Variants in PVT1 observed in about 807,000 individuals in gnomAD.
PVT1 encodes the protein Pvt1 oncogene.
chr8:127,927,699 C>A (rs1295898585), intron 3 of PVT1, among the ~76,000 whole-genome samples: 1 of 152,168 alleles, frequency 6.6e-6, no homozygotes, highest in Non-Finnish European at 1.5e-5. Flanking sequence ...AGCTGGGTGA[C>A]TTTAGGCAAC....
In PVT1 at chr8:127,937,578, C is replaced by CAGAGAGAG. The variant is rs1296575228; in HGVS notation, n.782+46581_782+46582insGAGAGAGA. Among the ~76,000 whole-genome samples the CAGAGAGAG allele has an allele frequency of 3.5e-3, 418 of 119,292 alleles. 1 individual carries two copies. The highest frequency in any genetic ancestry group is 4.6e-3 in the Non-Finnish European group (260 of 56,396). 78.3% of individuals were successfully genotyped at this position (119,292 alleles called of 152,430 possible). A position where few individuals can be genotyped will look rare whatever the true frequency, so the allele number is the denominator to read the frequency against. ...ACACACACACACACACACACACACA[C>CAGAGAGAG]ACAGAGAGAGAGAGAGAGAGAGAGA... On this transcript the variant is annotated intron_variant and non_coding_transcript_variant, in intron 3 of 10. Coordinates refer to ENST00000651587, the Ensembl canonical transcript of PVT1.
At chr8:128,096,515 CAGA>C (rs1814431316) in intron 5 of PVT1, 1 of 151,866 alleles carries the variant, frequency 6.6e-6, no homozygotes, top group African/African-American at 2.4e-5. Flanking sequence ...TCTTTCTCTC[CAGA>C]AGGACAGAAT....
At chr8:127,959,588 A>G (rs1002859460) in intron 3 of PVT1, among the ~76,000 whole-genome samples, 28 of 83,472 alleles carry the variant, frequency 3.4e-4, no homozygotes, top group Non-Finnish European at 8.1e-4. Flanking sequence ...TGTCTCAGGA[A>G]AAAAAAAAAA....
intron 5 of PVT1, among the ~76,000 whole-genome samples, chr8:128,082,422 T>C (rs1814193535): frequency 6.6e-6 from 1 of 152,226 alleles, no homozygotes. Flanking sequence ...TTGTCAGTCA[T>C]GTGATCTTAA....
chr8:127,892,259 T>C (rs1371848271), intron 3 of PVT1, among the ~76,000 whole-genome samples: 3 of 152,216 alleles, frequency 2.0e-5, no homozygotes, highest in Non-Finnish European at 4.4e-5. Context: ...AATTGTATAT[T>C]CATATGTGCA....
intron 3 of PVT1, among the ~76,000 whole-genome samples, chr8:127,923,606 C>T (rs1463285648): frequency 6.6e-6 from 1 of 152,170 alleles, no homozygotes; most frequent in Non-Finnish European, 1.5e-5. Context: ...GATGTCTCCC[C>T]AACAGCATCA....
At chr8:127,890,947 T>C (rs1356392048) in exon 3 of PVT1, 1 of 152,362 alleles carries the variant, frequency 6.6e-6, no homozygotes, top group Non-Finnish European at 1.5e-5. Flanking sequence ...CCCCGACTCT[T>C]CCTGGTGAAG....
Position 127,851,985 on chromosome 8 carries a change from G to A in PVT1, n.373-38604G>A, listed in dbSNP as rs539077472. ...TGAGGACTCATCTCTAGATCTCCAA[G>A]GGCTGCAGCTCAGCCAGCACTTTAC... On this transcript the variant is annotated intron_variant and non_coding_transcript_variant, in intron 2 of 10. Transcript: ENST00000651587. 1.1e-4 allele frequency: 17 copies of A among 152,372 alleles called. No individual in the cohort carries two copies. The East Asian group carries it at 3.3e-3, about 29-fold the overall frequency. The allele number at this position is 152,372 out of a possible 1,614,324, so 9.4% of individuals were successfully genotyped here.
intron 2 of PVT1, among the ~76,000 whole-genome samples, chr8:127,881,440 A>ATTG (rs1481178515): frequency 1.4e-5 from 2 of 140,318 alleles, no homozygotes; most frequent in African/African-American, 5.5e-5. Flanking sequence ...TTATTATATT[A>ATTG]TTATTATTAT....
chr8:128,003,321 C>A (rs1333557413), intron 4 of PVT1, among the ~76,000 whole-genome samples: 2 of 146,360 alleles, frequency 1.4e-5, no homozygotes, highest in Non-Finnish European at 3.0e-5. Context: ...CCCCTTCTGT[C>A]TCCTCTGCTC....
intron 4 of PVT1, among the ~76,000 whole-genome samples, chr8:128,061,967 A>G (rs942152857): frequency 6.6e-6 from 1 of 152,272 alleles, no homozygotes; most frequent in African/African-American, 2.4e-5. Flanking sequence ...TTATCACATG[A>G]CCTGACTGGC....
chr8:127,879,812 C>T (rs778871556), intron 2 of PVT1, among the ~76,000 whole-genome samples: 5 of 152,222 alleles, frequency 3.3e-5, no homozygotes, highest in South Asian at 4.1e-4. Flanking sequence ...ACGGACAATG[C>T]GCCAGCACCC....
At chr8:127,936,925 C>T (rs986719552) in intron 3 of PVT1, among the ~76,000 whole-genome samples, 10 of 152,222 alleles carry the variant, frequency 6.6e-5, no homozygotes, top group South Asian at 2.1e-4. Flanking sequence ...TGGGAGGGAC[C>T]GGCTGAAGCA....
At chr8:128,028,180 C>T (rs1475932026) in intron 4 of PVT1, among the ~76,000 whole-genome samples, 1 of 152,272 alleles carries the variant, frequency 6.6e-6, no homozygotes, top group Non-Finnish European at 1.5e-5. Context: ...TGACAGGCAG[C>T]CAACCAAGCT....
intron 2 of PVT1, among the ~76,000 whole-genome samples, chr8:127,839,474 T>C (rs1467020100): frequency 6.7e-6 from 1 of 148,764 alleles, no homozygotes; most frequent in Non-Finnish European, 1.5e-5. Flanking sequence ...GGCTTGAGCC[T>C]GGGAGGTCAA....
At chr8:127,811,084 A>G (rs965003134) in intron 2 of PVT1, among the ~76,000 whole-genome samples, 2 of 152,118 alleles carry the variant, frequency 1.3e-5, no homozygotes, top group Admixed American at 1.3e-4. Context: ...TTGGCAAACC[A>G]GCGGGTCCCT....
chr8:128,049,032 G>GAT, intron 4 of PVT1: 1 of 425,794 alleles, frequency 2.3e-6, no homozygotes, highest in South Asian at 1.8e-5. Context: ...GTTTAAGCTT[G>GAT]ATAGAGATTT....
chr8:127,848,063 G>T (rs1030342762), intron 2 of PVT1, among the ~76,000 whole-genome samples: 1 of 152,052 alleles, frequency 6.6e-6, no homozygotes, highest in Admixed American at 6.6e-5. Context: ...TATTGAAATC[G>T]GGAGCAGCTC....
chr8:128,009,826 T>C (rs561012470), intron 4 of PVT1: 1 of 152,222 alleles, frequency 6.6e-6, no homozygotes, highest in African/African-American at 2.4e-5. Context: ...AGTAAAAATA[T>C]GCAAGTGTGG....
Sources: allele counts gnomAD v4.1 joint callset (sites outside exome capture counted in the v4.1 genomes callset), GRCh38; gene constraint gnomAD v4.1.1; transcripts MANE v1.5; gene names NCBI Gene and HGNC (gene_info 2026-07-23, HGNC 2026-07-21).